Variants in CCDC68 observed in about 807,000 individuals in gnomAD.
The protein encoded by CCDC68 is coiled-coil domain containing 68, also known as coiled-coil domain-containing protein 68.
In CCDC68, 45 loss-of-function variants were observed where a neutral mutation model predicts 47.1. The observed-to-expected ratio is 0.96, with a 90% confidence interval of 0.75 to 1.23. CCDC68 has a LOEUF of 1.23. Ranked by LOEUF, CCDC68 falls within the 50% of genes most tolerant of loss-of-function variation. The pLI is 0.00. For synonymous variants in CCDC68, 131 were observed against 129.5 expected, an observed-to-expected ratio of 1.01 and a Z score of -0.08; for missense variants, 353 against 373.6, an observed-to-expected ratio of 0.94 and a Z score of 0.45.
chr18:54,925,616 C>T (rs749623144), intron 8 of CCDC68, among the ~76,000 whole-genome samples: 1 of 152,068 alleles, frequency 6.6e-6, no homozygotes, highest in African/African-American at 2.4e-5. Flanking sequence ...TGTGAATAGC[C>T]CTACATAGAA....
intron 6 of CCDC68, 40 bp downstream of exon 6, chr18:54,936,792 TG>T: frequency 6.2e-7 from 1 of 1,612,430 alleles, no homozygotes; most frequent in Non-Finnish European, 8.5e-7. Context: ...CAGCTCAGGG[TG>T]GGGGCTAGTT....
intron 8 of CCDC68, among the ~76,000 whole-genome samples, chr18:54,924,034 G>C (rs1399143913): frequency 6.6e-6 from 1 of 152,036 alleles, no homozygotes; most frequent in East Asian, 1.9e-4. Flanking sequence ...CAAAACTGGA[G>C]GAAGAAAACA....
chr18:54,935,002 A>G lies in CCDC68; in HGVS notation c.472-54T>C, dbSNP rs2044320855. 10 of 1,376,462 alleles carry G rather than the reference A, an allele frequency of 7.3e-6. No individual in the cohort carries two copies. In the South Asian group the frequency reaches 1.7e-4, roughly 23 times the overall value. The allele number at this position is 1,376,462 out of a possible 1,614,324, so 85.3% of individuals were successfully genotyped here. On this transcript the variant is annotated intron_variant, in intron 6 of 11. Transcript: ENST00000591504. ...AAAACTCTGTTTTTCTTAAACCTAT[A>G]CACATATTACCTCTTTCTATAATTT...
At chr18:54,915,038 A>G (rs1468279836) in intron 10 of CCDC68, among the ~76,000 whole-genome samples, 1 of 152,222 alleles carries the variant, frequency 6.6e-6, no homozygotes, top group African/African-American at 2.4e-5. Context: ...TGACTTTGTG[A>G]TAAGAATGGG....
chr18:54,910,430 T>C (rs1374349012), intron 10 of CCDC68, among the ~76,000 whole-genome samples: 1 of 152,208 alleles, frequency 6.6e-6, no homozygotes, highest in East Asian at 1.9e-4. Context: ...GGGGCTTTCA[T>C]GGCCTCAGAG....
intron 10 of CCDC68, among the ~76,000 whole-genome samples, chr18:54,908,329 T>C (rs2145358085): frequency 1.3e-5 from 2 of 152,360 alleles, no homozygotes; most frequent in African/African-American, 4.8e-5. Flanking sequence ...AATTTTCTTA[T>C]GAAACCTTAG....
chr18:54,942,621 G>A (rs2044456569), intron 3 of CCDC68, 54 bp downstream of exon 3: 2 of 1,084,124 alleles, frequency 1.8e-6, no homozygotes, highest in Non-Finnish European at 2.8e-6. Flanking sequence ...AGCCCATATT[G>A]GAATTTCTCT....
intron 1 of CCDC68, among the ~76,000 whole-genome samples, chr18:54,951,491 G>GA (rs1416440498): frequency 6.6e-6 from 1 of 152,114 alleles, no homozygotes; most frequent in South Asian, 2.1e-4. Context: ...AAGAAACAAG[G>GA]CTCAACAAGA....
At chr18:54,908,643 TA>T (rs368461901) in intron 10 of CCDC68, among the ~76,000 whole-genome samples, 3 of 152,152 alleles carry the variant, frequency 2.0e-5, no homozygotes, top group Non-Finnish European at 2.9e-5. Context: ...TAAAATGAGA[TA>T]AAAAAATACG....
At chr18:54,909,103 C>G (rs1914188268) in intron 10 of CCDC68, among the ~76,000 whole-genome samples, 1 of 152,220 alleles carries the variant, frequency 6.6e-6, no homozygotes, top group African/African-American at 2.4e-5. Context: ...GCTGTTTCCT[C>G]CTGTCCAGAG....
intron 1 of CCDC68, among the ~76,000 whole-genome samples, chr18:54,957,627 A>ACACTCTCTCT (rs375675674): frequency 2.4e-4 from 34 of 143,752 alleles, no homozygotes; most frequent in African/African-American, 7.5e-4. Context: ...ACACACACAC[A>ACACTCTCTCT]CTCTCTCTCT....
At position 54,918,693 on chromosome 18, in the gene CCDC68, T is replaced by C. The variant is rs569543127; in HGVS notation, c.789+578A>G. ...GCTCTGGAGTATTTGGGAGGACTTG[T>C]ATTTGGCAGTAAAGTACCTGAATAG... On this transcript the variant is annotated intron_variant, in intron 9 of 11. Transcript: ENST00000591504. Among the ~76,000 whole-genome samples, 8 of 152,322 alleles carry C rather than the reference T, an allele frequency of 5.3e-5. No homozygotes were observed. The South Asian group carries it at 1.7e-3, about 32-fold the overall frequency.
At chr18:54,934,737 T>C in intron 7 of CCDC68, 83 bp downstream of exon 7, 1 of 961,532 alleles carries the variant, frequency 1.0e-6, no homozygotes. Flanking sequence ...TAATTTAATA[T>C]CCTATTTATT....
intron 1 of CCDC68, among the ~76,000 whole-genome samples, chr18:54,958,574 A>C (rs2044751208): frequency 6.6e-6 from 1 of 152,202 alleles, no homozygotes; most frequent in African/African-American, 2.4e-5. Flanking sequence ...GGGAGCAGGT[A>C]CACCTTCAGT....
At chr18:54,912,616 T>C (rs1914431324) in intron 10 of CCDC68, among the ~76,000 whole-genome samples, 1 of 152,204 alleles carries the variant, frequency 6.6e-6, no homozygotes, top group South Asian at 2.1e-4. Context: ...TACACATATA[T>C]ATTTCACAAA....
rs1345653296 is a variant in CCDC68 at position 54,934,802 on chromosome 18, A to C, written c.600+18T>G. The C allele has an allele frequency of 7.0e-7, 1 of 1,427,908 alleles. No homozygotes were observed. 88.5% of individuals were successfully genotyped at this position (1,427,908 alleles called of 1,614,324 possible). A position where few individuals can be genotyped will look rare whatever the true frequency, so the allele number is the denominator to read the frequency against. On this transcript the variant is annotated intron_variant, in intron 7 of 11. Coordinates refer to ENST00000591504, the MANE Select transcript of CCDC68 (RefSeq NM_025214.3). ...AATGCTGTCAGTAAGAAAATCCTCT[A>C]ATTCTCCAGGGGCGTACCTTTTCCA...
At chr18:54,919,615 G>T (rs1388528990) in intron 8 of CCDC68, among the ~76,000 whole-genome samples, 1 of 152,118 alleles carries the variant, frequency 6.6e-6, no homozygotes, top group Non-Finnish European at 1.5e-5. Flanking sequence ...CTCCATTCTG[G>T]CCATCTGTGA....
At chr18:54,907,469 CAGA>C (rs1365773042) in intron 11 of CCDC68, among the ~76,000 whole-genome samples, 23 of 151,952 alleles carry the variant, frequency 1.5e-4, no homozygotes, top group African/African-American at 5.6e-4. Context: ...ACTTGAGCAA[CAGA>C]AGAAGAAAGA....
chr18:54,905,648 C>T (rs1337048680), intron 11 of CCDC68, among the ~76,000 whole-genome samples: 1 of 152,176 alleles, frequency 6.6e-6, no homozygotes, highest in Non-Finnish European at 1.5e-5. Flanking sequence ...CTACCACTTA[C>T]ATTTTTCAAG....
Sources: gnomAD v4.1 joint callset for allele counts (sites outside exome capture counted in the v4.1 genomes callset) on GRCh38, gnomAD v4.1.1 for gene constraint, MANE v1.5 for transcripts, NCBI Gene and HGNC (gene_info 2026-07-23, HGNC 2026-07-21) for gene names.